Variants in HELZ observed in about 807,000 individuals in gnomAD.
The protein encoded by HELZ is ATP-dependent RNA helicase with zinc finger domain.
In HELZ, 23 loss-of-function variants were observed where a neutral mutation model predicts 218.2. The observed-to-expected ratio is 0.11, with a 90% confidence interval of 0.08 to 0.15. The LOEUF is 0.15. Among genes scored for constraint, HELZ ranks in the 10% least tolerant of loss-of-function variants. The probability of loss-of-function intolerance (pLI) is 1.00; values close to 1 mark genes in which losing one functional copy is unlikely to be tolerated. For synonymous variants in HELZ, 814 were observed against 829.4 expected (o/e 0.98, Z 0.32); for missense variants, 1,813 against 2,353.7 (o/e 0.77, Z 4.75).
At chr17:67,239,786 G>C (rs2041274465) in intron 2 of HELZ, 1 of 152,234 alleles carries the variant, frequency 6.6e-6, no homozygotes, top group Admixed American at 6.5e-5. Context: ...AGACTAGCTA[G>C]AGAAAGAAGA....
At chr17:67,209,316 G>A (rs1179053152) in intron 5 of HELZ, among the ~76,000 whole-genome samples, 4 of 152,266 alleles carry the variant, frequency 2.6e-5, no homozygotes, top group African/African-American at 9.6e-5. Flanking sequence ...TGCTGAAGTA[G>A]GCCGGACGCG....
chr17:67,236,019 CA>C (rs1284992927), intron 3 of HELZ, among the ~76,000 whole-genome samples: 1 of 152,132 alleles, frequency 6.6e-6, no homozygotes, highest in Non-Finnish European at 1.5e-5. Context: ...CTTGGCCTCC[CA>C]AAGTGCTGGG....
rs368464329 is a variant in HELZ at position 67,108,557 on chromosome 17, C to T, written c.4659G>A (p.Pro1553=). Residue 1553 remains proline (P), a synonymous_variant, in exon 30 of 33, where the codon CCG becomes CCA. Transcript: ENST00000358691. The surrounding 1 kb of genome is among the most constrained non-coding windows in gnomAD (Gnocchi z 4.1). ...TGAGCTTCCAGTCTGCCCTCACTGG[C>T]GGCTGATGTAATCCCAGGGGCGGCT... ...LPQPPLGLHQ[P]PVRADWKLTS... 4.0e-5 allele frequency: 64 copies of T among 1,613,862 alleles called. No homozygotes were observed. The highest frequency in any genetic ancestry group is 8.3e-5 in the Admixed American group (5 of 59,982).
chr17:67,078,709 G>T, intron 32 of HELZ, 123 bp from the exon 33 acceptor site: 1 of 549,326 alleles, frequency 1.8e-6, no homozygotes, highest in Non-Finnish European at 3.0e-6. Flanking sequence ...ATAGCCACAA[G>T]GACAGACACC....
chr17:67,236,104 C>A (rs1457710405), intron 3 of HELZ, among the ~76,000 whole-genome samples: 1 of 152,136 alleles, frequency 6.6e-6, no homozygotes, highest in Non-Finnish European at 1.5e-5. Context: ...CCATATTATA[C>A]CAGCCTTACC....
At chr17:67,212,013 T>G (rs1358506822) in intron 5 of HELZ, among the ~76,000 whole-genome samples, 1 of 151,918 alleles carries the variant, frequency 6.6e-6, no homozygotes, top group Admixed American at 6.6e-5. Flanking sequence ...CAATGAGGCA[T>G]GTTGAGAGTT....
intron 23 of HELZ, among the ~76,000 whole-genome samples, chr17:67,129,557 T>C (rs577739999): frequency 5.3e-4 from 80 of 152,192 alleles, no homozygotes; most frequent in African/African-American, 1.8e-3. Context: ...AACCAGCTAC[T>C]CCGTATTTTT....
In HELZ at chr17:67,086,917, C is replaced by T. The variant is rs769719725; in HGVS notation, c.5406G>A (p.Glu1802=). The T allele has an allele frequency of 6.2e-7, 1 of 1,613,298 alleles. No homozygotes were observed. The highest frequency in any genetic ancestry group is 8.5e-7 in the Non-Finnish European group (1 of 1,179,898). Reference sequence around the variant, plus strand: ...TAGATGAGGTGGTGTTTACCCAGGACTCCGGGGATGAAAAGTTGAAAGAAG... The same window carrying T: ...TAGATGAGGTGGTGTTTACCCAGGATTCCGGGGATGAAAAGTTGAAAGAAG... ...NQSSFNFSSP[E]SWVNTTSSTP... is the part of the protein sequence containing the mutation. Residue 1802 remains glutamate, a synonymous_variant, in exon 32 of 33, where the codon GAG becomes GAA. Transcript: ENST00000358691.
intron 3 of HELZ, among the ~76,000 whole-genome samples, chr17:67,231,503 G>C (rs555723772): frequency 6.6e-6 from 1 of 150,808 alleles, no homozygotes; most frequent in African/African-American, 2.4e-5. Flanking sequence ...TGAGGAAGGA[G>C]AATGGCGTGA....
At chr17:67,229,335 T>C (rs986520476) in intron 3 of HELZ, among the ~76,000 whole-genome samples, 5 of 152,148 alleles carry the variant, frequency 3.3e-5, no homozygotes, top group African/African-American at 1.2e-4. Context: ...CAGAACATCC[T>C]TTCCTCGCCT....
At chr17:67,204,175 T>C (rs1462300297) in intron 5 of HELZ, among the ~76,000 whole-genome samples, 1 of 152,248 alleles carries the variant, frequency 6.6e-6, no homozygotes, top group African/African-American at 2.4e-5. Context: ...TGCTAAAATA[T>C]TTTAGAAATT....
At chr17:67,121,162 C>A (rs1188811475) in intron 26 of HELZ, among the ~76,000 whole-genome samples, 1 of 152,108 alleles carries the variant, frequency 6.6e-6, no homozygotes, top group African/African-American at 2.4e-5. Flanking sequence ...TAATTCAACT[C>A]CACCTTAAAA....
Position 67,207,211 on chromosome 17 carries a change from CTTTTTTTT to C in HELZ, c.248-3776_248-3769del, listed in dbSNP as rs61019173. The stretch of plus-strand genomic sequence containing the variant: ...ACAGGCATGAGCCACCACGCCCGGC[CTTTTTTTT>C]TTTTTTTTTTTTTTTTTTTGAGATG... On this transcript the variant is annotated intron_variant, in intron 5 of 32. Transcript: ENST00000358691. Among the ~76,000 whole-genome samples, 7 of 75,560 alleles carry C rather than the reference CTTTTTTTT, an allele frequency of 9.3e-5. No individual in the cohort carries two copies. The East Asian group carries it at 1.5e-3, about 16-fold the overall frequency. 49.6% of individuals were successfully genotyped at this position (75,560 alleles called of 152,430 possible). A position where few individuals can be genotyped will look rare whatever the true frequency, so the allele number is the denominator to read the frequency against.
At chr17:67,130,915 G>C (rs1356826161) in intron 23 of HELZ, among the ~76,000 whole-genome samples, 1 of 152,276 alleles carries the variant, frequency 6.6e-6, no homozygotes, top group East Asian at 1.9e-4. Context: ...ACAGGGTTGT[G>C]CTGTCACTCA....
intron 12 of HELZ, among the ~76,000 whole-genome samples, chr17:67,184,227 G>A (rs1336446925): frequency 6.6e-6 from 1 of 152,158 alleles, no homozygotes; most frequent in Non-Finnish European, 1.5e-5. Flanking sequence ...GATTAACTGA[G>A]CTACACTGTC....
chr17:67,209,033 AAGGGAGGG>A (rs1177640990), intron 5 of HELZ, among the ~76,000 whole-genome samples: 12 of 112,484 alleles, frequency 1.1e-4, no homozygotes, highest in Non-Finnish European at 1.6e-4. Context: ...GGAAGGGAGG[AAGGGAGGG>A]AGGGAGGGAG....
At chr17:67,205,097 C>T (rs1051088575) in intron 5 of HELZ, among the ~76,000 whole-genome samples, 1 of 152,050 alleles carries the variant, frequency 6.6e-6, no homozygotes, top group African/African-American at 2.4e-5. Flanking sequence ...GAGGCCGAGG[C>T]GGGCAGATCA....
intron 15 of HELZ, among the ~76,000 whole-genome samples, chr17:67,162,720 C>T (rs1230667558): frequency 6.6e-6 from 1 of 150,848 alleles, no homozygotes; most frequent in Admixed American, 6.6e-5. Context: ...AAAGCAAAGC[C>T]TTGCTTATTG....
chr17:67,113,512 G>C (rs2037344056), intron 28 of HELZ, among the ~76,000 whole-genome samples: 1 of 152,066 alleles, frequency 6.6e-6, no homozygotes, highest in South Asian at 2.1e-4. Context: ...CACCCGCCTT[G>C]GCCTCTCAAA....
Sources: allele counts gnomAD v4.1 joint callset (sites outside exome capture counted in the v4.1 genomes callset), GRCh38; gene constraint gnomAD v4.1.1; non-coding constraint Gnocchi (gnomAD v3.1); transcripts MANE v1.5; gene names NCBI Gene and HGNC (gene_info 2026-07-23, HGNC 2026-07-21).